Variants in HMG20A observed in about 807,000 individuals in gnomAD.
The protein encoded by HMG20A is high mobility group 20A.
HMG20A carries 17 observed loss-of-function variants against 43.9 expected under a neutral mutation model. The ratio of observed to expected loss-of-function variants is 0.39; its 90% CI spans 0.27 to 0.58. HMG20A has a LOEUF of 0.58. Ranked by LOEUF, HMG20A falls within the 20% of genes least tolerant of loss-of-function variation. The pLI is 0.59. For synonymous variants in HMG20A, 132 were observed against 147.5 expected (o/e 0.89, Z 0.76); for missense variants, 341 against 438.2 (o/e 0.78, Z 1.98).
chr15:77,447,241 C>T (rs915485076), intron 1 of HMG20A, among the ~76,000 whole-genome samples: 3 of 152,150 alleles, frequency 2.0e-5, no homozygotes, highest in Non-Finnish European at 4.4e-5. Context: ...CAACAGGCAC[C>T]ATGAAAAAGC....
At position 77,469,161 on chromosome 15, in the gene HMG20A, A is replaced by T. The variant is rs544391668; in HGVS notation, c.451-1749A>T. ...CAATGTCCTTTTGTTTCTCACTAGT[A>T]ATGTTAATTTTGCTTACCTGGTACA... is the stretch of plus-strand genomic sequence containing the variant. On this transcript the variant is annotated intron_variant, in intron 4 of 9. Coordinates refer to ENST00000336216, the MANE Select transcript of HMG20A (RefSeq NM_001304504.2). Among the ~76,000 whole-genome samples, 71 of 151,674 alleles carry T rather than the reference A, an allele frequency of 4.7e-4. 2 individuals carry two copies. The South Asian group carries it at 0.013, about 28-fold the overall frequency.
chr15:77,484,132 TGTTTTGTTTACAGA>T lies in HMG20A; in HGVS notation c.*1170_*1183del. 6.6e-6 allele frequency: 1 copy of T among 152,034 alleles called. No homozygotes were observed. The highest frequency in any genetic ancestry group is 1.9e-4 in the East Asian group (1 of 5,192). 9.4% of individuals were successfully genotyped at this position (152,034 alleles called of 1,614,324 possible). A position where few individuals can be genotyped will look rare whatever the true frequency, so the allele number is the denominator to read the frequency against. Reference sequence around the variant, plus strand: ...CATTTTTGTTTGTTTTGTTTTGTTTTGTTTTGTTTACAGATGAGGTCTTCCTGTGTTGCCCAGGC... The same window carrying T: ...CATTTTTGTTTGTTTTGTTTTGTTTTTGAGGTCTTCCTGTGTTGCCCAGGC... On this transcript the variant is annotated 3_prime_UTR_variant, in exon 10 of 10. Coordinates refer to ENST00000336216, the MANE Select transcript of HMG20A (RefSeq NM_001304504.2).
At chr15:77,516,943 C>T in the HMG20A span, among the ~76,000 whole-genome samples, 25 of 152,154 alleles carry the variant, frequency 1.6e-4, no homozygotes, top group Non-Finnish European at 2.4e-4. Flanking sequence ...TGTGATAGGC[C>T]GATAACCTGT....
At chr15:77,468,488 A>G (rs2072776863) in intron 4 of HMG20A, among the ~76,000 whole-genome samples, 1 of 152,062 alleles carries the variant, frequency 6.6e-6, no homozygotes, top group Non-Finnish European at 1.5e-5. Flanking sequence ...AGATTCACCT[A>G]TTGTTAACAC....
At chr15:77,465,423 T>A (rs1473259283) in intron 3 of HMG20A, among the ~76,000 whole-genome samples, 4 of 140,644 alleles carry the variant, frequency 2.8e-5, no homozygotes, top group African/African-American at 5.2e-5. Flanking sequence ...TGAGGTGGAG[T>A]CTTATTCTGT....
downstream of HMG20A, among the ~76,000 whole-genome samples, chr15:77,486,421 C>T (rs1305894837): frequency 6.6e-6 from 1 of 152,040 alleles, no homozygotes; most frequent in Non-Finnish European, 1.5e-5. Context: ...CCACCATGCC[C>T]AGCTAATTTT....
rs1397771580 is a variant in HMG20A at position 77,483,398 on chromosome 15, G to C, written c.*435G>C. 1 of 152,564 alleles carries C rather than the reference G, an allele frequency of 6.6e-6. No homozygotes were observed. The highest frequency in any genetic ancestry group is 1.9e-4 in the East Asian group (1 of 5,186). The allele number at this position is 152,564 out of a possible 1,614,324, so 9.5% of individuals were successfully genotyped here. On this transcript the variant is annotated 3_prime_UTR_variant, in exon 10 of 10. Transcript: ENST00000336216. ...AGCTGTCACTTTTTTAAATGCCTCT[G>C]GGGGTTATTTTTGCTTTCCTTGGCC...
intron 1 of HMG20A, among the ~76,000 whole-genome samples, chr15:77,453,105 G>A (rs1208548036): frequency 6.6e-6 from 1 of 152,146 alleles, no homozygotes; most frequent in Non-Finnish European, 1.5e-5. Flanking sequence ...GTGCATACCT[G>A]TAATCCCAGC....
intron 9 of HMG20A, 37 bp downstream of exon 9, chr15:77,479,358 A>G: frequency 6.3e-7 from 1 of 1,592,752 alleles, no homozygotes; most frequent in Non-Finnish European, 8.6e-7. Context: ...ATGCCAGCAC[A>G]TCATCAAAAA....
At chr15:77,515,409 A>G in the HMG20A span, among the ~76,000 whole-genome samples, 58 of 150,970 alleles carry the variant, frequency 3.8e-4, no homozygotes, top group South Asian at 0.011. Flanking sequence ...TTATTTTTAA[A>G]TATTTATTTA....
chr15:77,471,976 C>T (rs1284532581), intron 6 of HMG20A, among the ~76,000 whole-genome samples, 162 bp downstream of exon 6: 1 of 151,738 alleles, frequency 6.6e-6, no homozygotes, highest in East Asian at 1.9e-4. Context: ...TAGCATATGG[C>T]AGACACTTAC....
chr15:77,476,287 G>C (rs1049563813), intron 6 of HMG20A, among the ~76,000 whole-genome samples: 2 of 152,106 alleles, frequency 1.3e-5, no homozygotes, highest in Non-Finnish European at 2.9e-5. Context: ...TTCAAGACCA[G>C]CCTGGCCAAC....
downstream of HMG20A, among the ~76,000 whole-genome samples, chr15:77,488,232 TCA>T (rs573019051): frequency 2.0e-5 from 3 of 151,966 alleles, no homozygotes; most frequent in East Asian, 1.9e-4. Context: ...AATCTCTCTC[TCA>T]CACACACACA....
the HMG20A span, among the ~76,000 whole-genome samples, chr15:77,508,328 C>T: frequency 8.5e-5 from 13 of 152,158 alleles, no homozygotes; most frequent in African/African-American, 2.9e-4. Flanking sequence ...GCTAAGGACC[C>T]GCCAACTCCC....
chr15:77,423,640 A>G (rs1035644792), intron 1 of HMG20A, among the ~76,000 whole-genome samples: 2 of 152,250 alleles, frequency 1.3e-5, no homozygotes, highest in African/African-American at 4.8e-5. Context: ...TTAAAACCGT[A>G]GGTCACAATT....
intron 1 of HMG20A, among the ~76,000 whole-genome samples, chr15:77,435,503 A>G (rs964075758): frequency 8.5e-5 from 13 of 152,102 alleles, no homozygotes; most frequent in Non-Finnish European, 1.8e-4. Flanking sequence ...CATGTTGGCC[A>G]GGCTGCTCTC....
At chr15:77,437,943 T>A (rs994673131) in intron 1 of HMG20A, among the ~76,000 whole-genome samples, 4 of 151,652 alleles carry the variant, frequency 2.6e-5, no homozygotes, top group African/African-American at 9.7e-5. Flanking sequence ...TAACTTTGTC[T>A]TCTTTTCTAG....
intron 1 of HMG20A, among the ~76,000 whole-genome samples, chr15:77,442,430 T>G (rs568169479): frequency 6.6e-6 from 1 of 152,346 alleles, no homozygotes; most frequent in South Asian, 2.1e-4. Context: ...GGGGAAATAC[T>G]GTTTTGAGGC....
At chr15:77,492,996 G>C in the HMG20A span, among the ~76,000 whole-genome samples, 1 of 152,120 alleles carries the variant, frequency 6.6e-6, no homozygotes, top group Non-Finnish European at 1.5e-5. Context: ...CAGGAAGGCA[G>C]TGTAAATACC....
Sources: allele counts gnomAD v4.1 joint callset (sites outside exome capture counted in the v4.1 genomes callset), GRCh38; gene constraint gnomAD v4.1.1; transcripts MANE v1.5; gene names NCBI Gene and HGNC (gene_info 2026-07-23, HGNC 2026-07-21).